LAMA2: variants seen among roughly 807,000 people sequenced by gnomAD.
LAMA2 encodes the protein laminin subunit alpha 2.
LAMA2 carries 269 observed loss-of-function variants against 364.8 expected under a neutral mutation model. The observed-to-expected ratio is 0.74, with a 90% CI of 0.67 to 0.82. The LOEUF (loss-of-function observed/expected upper bound fraction) is 0.82, where lower values mean the gene tolerates loss of function less well. Ranked by LOEUF, LAMA2 falls within the 40% of genes least tolerant of loss-of-function variation. The pLI is 0.00. For synonymous variants in LAMA2, 1,379 were observed against 1,370.6 expected, an observed-to-expected ratio of 1.01 and a Z score of -0.14; for missense variants, 3,807 against 3,873.2, an observed-to-expected ratio of 0.98 and a Z score of 0.45.
chr6:128,997,321 A>C (rs117819104), intron 1 of LAMA2, among the ~76,000 whole-genome samples: 20,431 of 143,722 alleles, frequency 0.14, 1,513 homozygotes, highest in South Asian at 0.21. Flanking sequence ...AAACAAAGAG[A>C]GAGAGAGAAA....
chr6:129,362,744 C>T (rs1266496427), intron 32 of LAMA2, among the ~76,000 whole-genome samples: 2 of 152,042 alleles, frequency 1.3e-5, no homozygotes, highest in Admixed American at 6.6e-5. Context: ...TAGTGACTGG[C>T]GCAGGGTATA....
intron 4 of LAMA2, among the ~76,000 whole-genome samples, chr6:129,107,627 T>C (rs2381): frequency 0.26 from 39,980 of 151,976 alleles, 6,019 homozygotes; most frequent in African/African-American, 0.42. Flanking sequence ...ATAATAATAA[T>C]AAATGATGGC....
At chr6:129,037,588 C>T (rs756602835) in intron 1 of LAMA2, among the ~76,000 whole-genome samples, 18 of 151,934 alleles carry the variant, frequency 1.2e-4, no homozygotes, top group Non-Finnish European at 1.8e-4. Flanking sequence ...TTGGTATCTC[C>T]GCATGTTAGT....
At chr6:129,328,892 A>G (rs1175478885) in intron 29 of LAMA2, among the ~76,000 whole-genome samples, 1 of 152,176 alleles carries the variant, frequency 6.6e-6, no homozygotes, top group Non-Finnish European at 1.5e-5. Context: ...ATTTTTACCT[A>G]TCATGAGGTT....
chr6:129,210,546 A>G (rs1368563485), intron 12 of LAMA2, among the ~76,000 whole-genome samples: 3 of 152,168 alleles, frequency 2.0e-5, no homozygotes, highest in Non-Finnish European at 4.4e-5. Flanking sequence ...ACTTGGCAGA[A>G]CCAGAATATT....
Position 129,203,007 on chromosome 6 carries a change from G to A in LAMA2, c.1782+10154G>A, listed in dbSNP as rs76897155. On this transcript the variant is annotated intron_variant, in intron 12 of 64. Transcript: ENST00000421865. ...AGCCAGTCATGTTTTCAGCTGTAGG[G>A]CCTAACACCATGGTTAAGGAATGGT... Among the ~76,000 whole-genome samples, 670 of 152,292 alleles carry A rather than the reference G, an allele frequency of 4.4e-3. 4 individuals are homozygous for A. The highest frequency in any genetic ancestry group is 0.015 in the African/African-American group (631 of 41,560).
At chr6:129,131,859 A>T (rs997802189) in intron 4 of LAMA2, among the ~76,000 whole-genome samples, 8 of 152,352 alleles carry the variant, frequency 5.3e-5, no homozygotes, top group Non-Finnish European at 2.9e-5. Flanking sequence ...ATCTGTGTAC[A>T]TCACAATGTT....
At chr6:129,132,944 C>T (rs1777577491) in intron 4 of LAMA2, among the ~76,000 whole-genome samples, 1 of 152,156 alleles carries the variant, frequency 6.6e-6, no homozygotes, top group Non-Finnish European at 1.5e-5. Flanking sequence ...AGAATTTGAA[C>T]ACAAGCAATT....
intron 1 of LAMA2, among the ~76,000 whole-genome samples, chr6:128,994,964 C>T (rs1783837164): frequency 6.6e-6 from 1 of 152,082 alleles, no homozygotes; most frequent in Admixed American, 6.6e-5. Flanking sequence ...TGTGACTCTT[C>T]AGTGACACAT....
At chr6:129,305,245 C>G (rs1386794098) in intron 22 of LAMA2, among the ~76,000 whole-genome samples, 2 of 151,300 alleles carry the variant, frequency 1.3e-5, no homozygotes, top group African/African-American at 4.9e-5. Flanking sequence ...TTGCAACTTT[C>G]TTTTTAATGG....
At chr6:129,328,458 T>C in intron 29 of LAMA2, 46 bp downstream of exon 29, 1 of 1,613,776 alleles carries the variant, frequency 6.2e-7, no homozygotes, top group Non-Finnish European at 8.5e-7. Flanking sequence ...TGCTCATTCC[T>C]CTTTACACAT....
intron 1 of LAMA2, among the ~76,000 whole-genome samples, chr6:128,961,356 T>TATATATTATATATATATATATATA (rs1781506458): frequency 3.9e-5 from 3 of 76,146 alleles, no homozygotes; most frequent in African/African-American, 1.1e-4. Flanking sequence ...TATATATATA[T>TATATATTATATATATATATATATA]ATATATATAT....
chr6:129,218,143 C>T (rs1562342649), intron 12 of LAMA2, among the ~76,000 whole-genome samples: 1 of 152,066 alleles, frequency 6.6e-6, no homozygotes, highest in Non-Finnish European at 1.5e-5. Context: ...TTTAATATAT[C>T]AAAAATGTGA....
chr6:129,144,181 GTTA>G lies in LAMA2; in HGVS notation c.819+106_819+108del. On this transcript the variant is annotated intron_variant, in intron 5 of 64. Coordinates refer to ENST00000421865, the MANE Select transcript of LAMA2 (RefSeq NM_000426.4). ...ATGTTTTCAGTGATTTGTAGGAGTG[GTTA>G]TTATCAAATTTTTATTTTAGAATTG... 4 of 811,622 alleles carry G rather than the reference GTTA, an allele frequency of 4.9e-6. No individual in the cohort carries two copies. The South Asian group carries it at 5.1e-5, about 10-fold the overall frequency. The allele number at this position is 811,622 out of a possible 1,614,324, so 50.3% of individuals were successfully genotyped here. A position where few individuals can be genotyped will look rare whatever the true frequency, so the allele number is the denominator to read the frequency against.
intron 42 of LAMA2, among the ~76,000 whole-genome samples, chr6:129,439,825 C>CATATATATATATATATATAT (rs5879948): frequency 2.9e-4 from 36 of 123,574 alleles, no homozygotes; most frequent in East Asian, 1.0e-3. Flanking sequence ...ATCAATTGGT[C>CATATATATATATATATATAT]ATATATATAT....
chr6:128,997,760 A>G (rs1784080273), intron 1 of LAMA2, among the ~76,000 whole-genome samples: 1 of 152,038 alleles, frequency 6.6e-6, no homozygotes, highest in Admixed American at 6.6e-5. Flanking sequence ...GCACCATTGC[A>G]CTCCAGCCTG....
intron 16 of LAMA2, among the ~76,000 whole-genome samples, chr6:129,270,000 C>T (rs909583455): frequency 2.6e-4 from 40 of 152,028 alleles, no homozygotes; most frequent in African/African-American, 7.7e-4. Context: ...GAAATTGGCA[C>T]GTGATGTTTA....
intron 1 of LAMA2, among the ~76,000 whole-genome samples, chr6:129,034,139 A>T (rs1404000847): frequency 6.6e-6 from 1 of 152,092 alleles, no homozygotes; most frequent in Non-Finnish European, 1.5e-5. Flanking sequence ...GGGAAAATAG[A>T]CTTGAAGTTA....
At chr6:129,095,638 C>T (rs1030413022) in intron 3 of LAMA2, among the ~76,000 whole-genome samples, 10 of 151,438 alleles carry the variant, frequency 6.6e-5, no homozygotes, top group Admixed American at 1.3e-4. Context: ...TGGCCGGGCA[C>T]GGTGGCTCAT....
Sources: gnomAD v4.1 joint callset for allele counts (sites outside exome capture counted in the v4.1 genomes callset) on GRCh38, gnomAD v4.1.1 for gene constraint, MANE v1.5 for transcripts, NCBI Gene and HGNC (gene_info 2026-07-23, HGNC 2026-07-21) for gene names.